The following UGT2B7 variants were observed in gnomAD, a reference collection of about 807,000 sequenced individuals.
UGT2B7 encodes UDP-glucuronosyltransferase 2B7.
A neutral mutation model predicts 51.9 loss-of-function variants in UGT2B7; 51 were observed. The observed-to-expected ratio is 0.98, with a 90% CI of 0.78 to 1.24. The LOEUF is 1.24. UGT2B7 is among the 50% of genes most tolerant of loss of function. UGT2B7 has a pLI of 0.00. For missense variants in UGT2B7, 727 were observed against 628.4 expected (o/e 1.16, Z -1.68); for synonymous variants, 225 against 211.6 (o/e 1.06, Z -0.55).
chr4:69,063,086 G>A (rs1444922383), intron 1 of UGT2B7, among the ~76,000 whole-genome samples: 5 of 146,112 alleles, frequency 3.4e-5, no homozygotes, highest in Non-Finnish European at 6.0e-5. Context: ...TTGGGAGGCC[G>A]AGGCGGGCGG....
intron 1 of UGT2B7, among the ~76,000 whole-genome samples, chr4:69,075,369 T>C (rs913748668): frequency 4.1e-4 from 62 of 152,306 alleles, no homozygotes; most frequent in African/African-American, 1.4e-3. Flanking sequence ...TGTCTGTCTC[T>C]GTCTTCTACT....
chr4:69,093,490 T>A (rs1006589700), upstream of UGT2B7, among the ~76,000 whole-genome samples: 31 of 152,190 alleles, frequency 2.0e-4, no homozygotes, highest in African/African-American at 7.2e-4. Flanking sequence ...CTCAGCCCCC[T>A]GAATTCAGCC....
chr4:69,090,825 C>T (rs1323230045), intron 2 of UGT2B7, among the ~76,000 whole-genome samples: 1 of 152,138 alleles, frequency 6.6e-6, no homozygotes, highest in Non-Finnish European at 1.5e-5. Context: ...CAGTTGCTTG[C>T]TAAAGGAAAA....
intron 1 of UGT2B7, among the ~76,000 whole-genome samples, chr4:69,069,244 T>C (rs1718546851): frequency 6.6e-6 from 1 of 152,108 alleles, no homozygotes; most frequent in Non-Finnish European, 1.5e-5. Flanking sequence ...AGCTTTGCCC[T>C]GACATGTACC....
Position 69,062,394 on chromosome 4 carries a change from C to T in UGT2B7, c.-159+10792C>T, listed in dbSNP as rs188925177. On this transcript the variant is annotated intron_variant, in intron 1 of 5. Coordinates refer to the UGT2B7 transcript ENST00000502942. ...GCCATGCAAAAAGTATATGGCTAAGCGCAGGAAAGAATGCCTATAAGTCTG... is the reference window on the plus strand; with the variant it reads ...GCCATGCAAAAAGTATATGGCTAAGTGCAGGAAAGAATGCCTATAAGTCTG... Among the ~76,000 whole-genome samples, 46 of 152,246 alleles carry T rather than the reference C, an allele frequency of 3.0e-4. 1 individual carries two copies. The highest frequency in any genetic ancestry group is 2.6e-3 in the Admixed American group (39 of 15,290).
chr4:69,053,681 G>A (rs1469759883), intron 1 of UGT2B7, among the ~76,000 whole-genome samples: 4 of 152,102 alleles, frequency 2.6e-5, no homozygotes, highest in Admixed American at 6.5e-5. Context: ...AGTTCACTTC[G>A]TGTCTCTCAC....
chr4:69,068,419 TAA>T (rs1718526676), intron 1 of UGT2B7, among the ~76,000 whole-genome samples: 1 of 152,058 alleles, frequency 6.6e-6, no homozygotes, highest in South Asian at 2.1e-4. Flanking sequence ...TTGAAAGATA[TAA>T]GTTGGAATAT....
At chr4:69,110,030 C>T (rs565330210) in intron 5 of UGT2B7, among the ~76,000 whole-genome samples, 7 of 151,914 alleles carry the variant, frequency 4.6e-5, no homozygotes, top group Non-Finnish European at 8.8e-5. Context: ...TATACAAATA[C>T]TTTCACTCAA....
intron 1 of UGT2B7, among the ~76,000 whole-genome samples, chr4:69,055,091 T>A (rs1577904014): frequency 8.8e-5 from 2 of 22,634 alleles, no homozygotes; most frequent in Non-Finnish European, 1.6e-4. Flanking sequence ...AGAAGTAAAG[T>A]AATAGCTAAA....
chr4:69,096,252 G>A (rs1719219324), upstream of UGT2B7, among the ~76,000 whole-genome samples: 2 of 152,034 alleles, frequency 1.3e-5, no homozygotes, highest in Admixed American at 1.3e-4. Flanking sequence ...TAAGACAGAT[G>A]GCATGTCCAT....
At chr4:69,110,243 G>T (rs1374941784) in intron 5 of UGT2B7, among the ~76,000 whole-genome samples, 2 of 151,982 alleles carry the variant, frequency 1.3e-5, no homozygotes, top group African/African-American at 2.4e-5. Flanking sequence ...GTGATATGTG[G>T]TGGGCAATAA....
intron 1 of UGT2B7, among the ~76,000 whole-genome samples, chr4:69,067,247 C>T (rs1577909660): frequency 6.6e-6 from 1 of 152,144 alleles, no homozygotes; most frequent in Non-Finnish European, 1.5e-5. Context: ...GGTGCATCTT[C>T]CTCTGTGATC....
At chr4:69,073,375 C>A (rs1297982124) in intron 1 of UGT2B7, among the ~76,000 whole-genome samples, 3 of 152,052 alleles carry the variant, frequency 2.0e-5, no homozygotes, top group Admixed American at 2.0e-4. Context: ...TTGTTCATGT[C>A]CTGCAGTGAT....
At chr4:69,069,575 A>C (rs1052320224) in intron 1 of UGT2B7, 1 of 152,082 alleles carries the variant, frequency 6.6e-6, no homozygotes, top group African/African-American at 2.4e-5. Context: ...ATCTACACAA[A>C]AATTTCACAT....
At chr4:69,070,261 ATAT>A (rs1718571785) in intron 1 of UGT2B7, among the ~76,000 whole-genome samples, 1 of 147,462 alleles carries the variant, frequency 6.8e-6, no homozygotes, top group African/African-American at 2.4e-5. Context: ...TATATTTTAT[ATAT>A]TATACTTTTA....
At chr4:69,093,801 T>A (rs1237326461), upstream of UGT2B7, among the ~76,000 whole-genome samples, 1 of 152,194 alleles carries the variant, frequency 6.6e-6, no homozygotes, top group Non-Finnish European at 1.5e-5. Flanking sequence ...TGATGCCAGG[T>A]TGGCAGTCAT....
chr4:69,070,262 T>C (rs1020718998), intron 1 of UGT2B7, among the ~76,000 whole-genome samples: 4 of 147,532 alleles, frequency 2.7e-5, no homozygotes, highest in South Asian at 2.1e-4. Context: ...ATATTTTATA[T>C]ATTATACTTT....
At chr4:69,055,173 T>TATTAATAG (rs1718154907) in intron 1 of UGT2B7, among the ~76,000 whole-genome samples, 1 of 145,572 alleles carries the variant, frequency 6.9e-6, no homozygotes, top group East Asian at 2.0e-4. Flanking sequence ...CTTGTGCTGC[T>TATTAATAG]ATTAATAGTA....
At chr4:69,097,858 G>T (rs1196624602) in intron 1 of UGT2B7, among the ~76,000 whole-genome samples, 1 of 151,958 alleles carries the variant, frequency 6.6e-6, no homozygotes, top group African/African-American at 2.4e-5. Flanking sequence ...TGTGAAGGTT[G>T]TTATATCTAC....
Sources: allele counts gnomAD v4.1 joint callset (sites outside exome capture counted in the v4.1 genomes callset), GRCh38; gene constraint gnomAD v4.1.1; transcripts MANE v1.5; gene names NCBI Gene and HGNC (gene_info 2026-07-23, HGNC 2026-07-21).